The following MTUS2 variants were observed in gnomAD, a reference collection of about 807,000 sequenced individuals.
MTUS2 encodes microtubule associated scaffold protein 2.
A neutral mutation model predicts 114.1 loss-of-function variants in MTUS2; 40 were observed. That is an observed-to-expected ratio of 0.35 (90% CI 0.27 to 0.46). The LOEUF (loss-of-function observed/expected upper bound fraction) is 0.46, where lower values mean the gene tolerates loss of function less well. MTUS2 is among the 20% of genes least tolerant of loss of function. The pLI is 1.00. For missense variants in MTUS2, 1,679 were observed against 1,705.4 expected (o/e 0.98, Z 0.27); for synonymous variants, 688 against 672.0 (o/e 1.02, Z -0.37).
At chr13:29,123,644 G>T (rs945378500) in intron 5 of MTUS2, among the ~76,000 whole-genome samples, 9 of 152,130 alleles carry the variant, frequency 5.9e-5, no homozygotes, top group Non-Finnish European at 1.3e-4. Flanking sequence ...TTACACCTGG[G>T]AGTGGAGGAG....
At chr13:28,934,508 AC>A (rs1417237315) in intron 2 of MTUS2, among the ~76,000 whole-genome samples, 1 of 151,976 alleles carries the variant, frequency 6.6e-6, no homozygotes, top group Non-Finnish European at 1.5e-5. Context: ...GCTTTTTTAA[AC>A]GTTCACTTTA....
intron 2 of MTUS2, among the ~76,000 whole-genome samples, chr13:28,986,034 C>G (rs1884569773): frequency 6.6e-6 from 1 of 152,082 alleles, no homozygotes. Context: ...CCTCTCTTGA[C>G]CTTACTTGGT....
chr13:29,432,786 T>C (rs1466281499), intron 8 of MTUS2, among the ~76,000 whole-genome samples: 1 of 152,218 alleles, frequency 6.6e-6, no homozygotes, highest in Non-Finnish European at 1.5e-5. Context: ...CCTGTCCCTT[T>C]AGGGGTTAAT....
intron 5 of MTUS2, among the ~76,000 whole-genome samples, chr13:29,217,682 G>T (rs1463300359): frequency 2.0e-5 from 3 of 152,158 alleles, no homozygotes; most frequent in African/African-American, 7.2e-5. Context: ...TTTCACAAAT[G>T]ATTTCTCTGT....
chr13:29,203,093 T>C (rs1895029942), intron 5 of MTUS2, among the ~76,000 whole-genome samples: 1 of 152,244 alleles, frequency 6.6e-6, no homozygotes, highest in African/African-American at 2.4e-5. Context: ...CGTTTAAGTC[T>C]ACTGAAGCTG....
At chr13:29,399,155 T>A (rs1299259327) in intron 8 of MTUS2, among the ~76,000 whole-genome samples, 1 of 152,200 alleles carries the variant, frequency 6.6e-6, no homozygotes, top group Non-Finnish European at 1.5e-5. Context: ...CCTTTATAGA[T>A]CATATAGAGT....
At position 29,100,856 on chromosome 13, in the gene MTUS2, C is replaced by G; in HGVS notation, c.2530C>G (p.Leu844Val). 6.4e-7 allele frequency: 1 copy of G among 1,553,386 alleles called. No individual in the cohort carries two copies. The highest frequency in any genetic ancestry group is 8.7e-7 in the Non-Finnish European group (1 of 1,147,944). ...SGLRPPGYSR[L>V]PAAKLAAFGF... The stretch of plus-strand genomic sequence containing the variant: ...TCTCCGTCCTCCCGGATACTCACGT[C>G]TCCCGGCAGCCAAACTGGCGGCATT... Residue 844 changes from leucine to valine, a missense_variant, in exon 5 of 16, where the codon CTC becomes GTC. This residue lies in a region of MTUS2 where 822 missense variants were observed against 899.7 expected (regional missense o/e 0.91). Coordinates refer to ENST00000612955, the MANE Select transcript of MTUS2 (RefSeq NM_001033602.4).
intron 5 of MTUS2, among the ~76,000 whole-genome samples, chr13:29,213,795 A>G (rs1895555985): frequency 6.6e-6 from 1 of 152,148 alleles, no homozygotes; most frequent in Non-Finnish European, 1.5e-5. Flanking sequence ...TCTGCCTTTC[A>G]TATACATTTG....
intron 8 of MTUS2, among the ~76,000 whole-genome samples, chr13:29,391,591 T>G (rs918263317): frequency 6.6e-6 from 1 of 152,150 alleles, no homozygotes; most frequent in African/African-American, 2.4e-5. Flanking sequence ...TAGGGAATCT[T>G]CCTTTCTCAC....
At chr13:29,263,117 A>G (rs1277272081) in intron 5 of MTUS2, among the ~76,000 whole-genome samples, 1 of 152,210 alleles carries the variant, frequency 6.6e-6, no homozygotes, top group African/African-American at 2.4e-5. Context: ...GGCAGAGCCT[A>G]TGGTGTTTGA....
chr13:29,022,815 T>G (rs929922502), intron 2 of MTUS2, among the ~76,000 whole-genome samples: 2 of 152,198 alleles, frequency 1.3e-5, no homozygotes, highest in Non-Finnish European at 2.9e-5. Context: ...TGAGTCTACT[T>G]TAACAGAAAA....
At chr13:28,874,471 A>T (rs2138113155) in intron 2 of MTUS2, among the ~76,000 whole-genome samples, 1 of 152,270 alleles carries the variant, frequency 6.6e-6, no homozygotes, top group South Asian at 2.1e-4. Context: ...GCTCGCTTTT[A>T]GGATCTCTCA....
intron 5 of MTUS2, among the ~76,000 whole-genome samples, chr13:29,167,569 T>G (rs1593549801): frequency 9.4e-6 from 1 of 106,248 alleles, no homozygotes; most frequent in East Asian, 2.4e-4. Flanking sequence ...ATAATCATAT[T>G]TTTTAAATTG....
At chr13:29,349,616 T>G (rs4473032) in intron 7 of MTUS2, among the ~76,000 whole-genome samples, 11,535 of 152,156 alleles carry the variant, frequency 0.076, 1,471 homozygotes, top group African/African-American at 0.26. Context: ...ACCTATACTT[T>G]TGATAAATAT....
intron 14 of MTUS2, among the ~76,000 whole-genome samples, chr13:29,499,483 G>A (rs973704044): frequency 6.6e-6 from 1 of 152,186 alleles, no homozygotes; most frequent in African/African-American, 2.4e-5. Context: ...GTAAATATGT[G>A]TACTGTGGAA....
intron 2 of MTUS2, among the ~76,000 whole-genome samples, chr13:29,017,524 A>T (rs183386345): frequency 6.6e-6 from 1 of 152,276 alleles, no homozygotes; most frequent in Admixed American, 6.5e-5. Flanking sequence ...ACATCCCCCA[A>T]ATTTTCTTCA....
chr13:29,347,824 A>C (rs1474036671), intron 7 of MTUS2, among the ~76,000 whole-genome samples: 1 of 152,176 alleles, frequency 6.6e-6, no homozygotes, highest in Non-Finnish European at 1.5e-5. Context: ...CCATAAGTTG[A>C]ATAATTTATT....
chr13:29,019,594 G>A (rs1252467775), intron 2 of MTUS2, among the ~76,000 whole-genome samples: 2 of 152,196 alleles, frequency 1.3e-5, no homozygotes, highest in African/African-American at 4.8e-5. Flanking sequence ...AGTTACAAAT[G>A]TCTCGGATTG....
intron 8 of MTUS2, among the ~76,000 whole-genome samples, chr13:29,361,924 G>A (rs1028598586): frequency 3.3e-5 from 5 of 152,174 alleles, no homozygotes; most frequent in Admixed American, 2.0e-4. Context: ...GAGAGAGGAC[G>A]CAGTGCTAAC....
Sources: allele counts gnomAD v4.1 joint callset (sites outside exome capture counted in the v4.1 genomes callset), GRCh38; gene constraint gnomAD v4.1.1; regional missense constraint gnomAD v4.1.1; transcripts MANE v1.5; gene names NCBI Gene and HGNC (gene_info 2026-07-23, HGNC 2026-07-21).